Variants in COL28A1 observed in about 807,000 individuals in gnomAD.
COL28A1 encodes collagen alpha-1(XXVIII) chain.
In COL28A1, 161 loss-of-function variants were observed where a neutral mutation model predicts 150.2. The observed-to-expected ratio is 1.07, with a 90% CI of 0.94 to 1.22. The LOEUF (loss-of-function observed/expected upper bound fraction) is 1.22, where lower values mean the gene tolerates loss of function less well. Ranked by LOEUF, COL28A1 falls within the 50% of genes most tolerant of loss-of-function variation. COL28A1 has a pLI of 0.00. For synonymous variants in COL28A1, 552 were observed against 469.7 expected (o/e 1.18, Z -2.26); for missense variants, 1,617 against 1,388.3 (o/e 1.16, Z -2.62).
At chr7:7,378,387 C>A (rs906549350) in intron 30 of COL28A1, among the ~76,000 whole-genome samples, 1 of 152,164 alleles carries the variant, frequency 6.6e-6, no homozygotes, top group African/African-American at 2.4e-5. Context: ...TGGCTACATT[C>A]CCTGAGAGTT....
chr7:7,348,402 C>T, the COL28A1 span, among the ~76,000 whole-genome samples: 1 of 152,106 alleles, frequency 6.6e-6, no homozygotes, highest in East Asian at 1.9e-4. Flanking sequence ...TAGGTAGGGG[C>T]AGTGTCAATT....
chr7:7,477,182 TG>T lies in COL28A1; in HGVS notation c.1165-3del. On this transcript the variant is annotated splice_region_variant and splice_polypyrimidine_tract_variant and intron_variant, in intron 13 of 34. Coordinates refer to ENST00000399429, the MANE Select transcript of COL28A1 (RefSeq NM_001037763.3). ...TACTCCCTCAGGACCACGGGGACCC[TG>T]GTTAGGATAGGAGAAAATGAGGAGC... The T allele has an allele frequency of 8.5e-7, 1 of 1,172,772 alleles. No homozygotes were observed. The highest frequency in any genetic ancestry group is 1.3e-6 in the Non-Finnish European group (1 of 776,554). The allele number at this position is 1,172,772 out of a possible 1,614,324, so 72.6% of individuals were successfully genotyped here.
At chr7:7,438,937 A>G (rs73334153) in intron 21 of COL28A1, among the ~76,000 whole-genome samples, 2,348 of 152,306 alleles carry the variant, frequency 0.015, 70 homozygotes, top group African/African-American at 0.054. Context: ...AGGACCTAAA[A>G]TATTTACTAT....
chr7:7,387,594 A>T (rs1583268350), intron 27 of COL28A1, among the ~76,000 whole-genome samples: 1 of 138,986 alleles, frequency 7.2e-6, no homozygotes, highest in Non-Finnish European at 1.5e-5. Context: ...TGACACAGAC[A>T]TATATATATA....
rs752702906 is a variant in COL28A1, at chr7:7,531,383, C to T, written c.646G>A (p.Asp216Asn). The T allele has an allele frequency of 1.3e-6, 2 of 1,579,950 alleles. No individual in the cohort carries two copies. The highest frequency in any genetic ancestry group is 1.7e-5 in the Admixed American group (1 of 57,754). ...SSSEPTLLLS[D>N]PTLVDKIQDR... is the part of the protein sequence containing the mutation. ...TGAATTTTATCTACAAGGGTTGGAT[C>T]ACTCAACAGTAAAGTGGGTTCACTG... Residue 216 changes from aspartate to asparagine, a missense_variant, in exon 3 of 35, where the codon GAT becomes AAT. Asp to Asn is a conservative substitution (Grantham distance 23). Coordinates refer to ENST00000399429, the MANE Select transcript of COL28A1 (RefSeq NM_001037763.3).
At chr7:7,401,379 C>G (rs117849896) in intron 27 of COL28A1, among the ~76,000 whole-genome samples, 1 of 152,112 alleles carries the variant, frequency 6.6e-6, no homozygotes, top group South Asian at 2.1e-4. Flanking sequence ...CTTGTCCTGA[C>G]CTCTCCCCTG....
At chr7:7,526,784 G>A (rs184212304) in intron 3 of COL28A1, among the ~76,000 whole-genome samples, 8 of 152,080 alleles carry the variant, frequency 5.3e-5, no homozygotes, top group African/African-American at 1.2e-4. Context: ...TACAGAGCAC[G>A]CCAACAAGCC....
intron 25 of COL28A1, among the ~76,000 whole-genome samples, chr7:7,422,595 C>T (rs149545507): frequency 0.025 from 3,748 of 151,616 alleles, 137 homozygotes; most frequent in African/African-American, 0.078. Context: ...CGCCATTGCA[C>T]GCCAGCCTGG....
intron 21 of COL28A1, 45 bp downstream of exon 21, chr7:7,440,745 C>A: frequency 3.8e-6 from 3 of 783,702 alleles, no homozygotes; most frequent in Non-Finnish European, 6.5e-6. Flanking sequence ...AAACCAGACA[C>A]AATACAAACT....
chr7:7,504,668 C>A (rs550829253), intron 11 of COL28A1, among the ~76,000 whole-genome samples: 1 of 152,306 alleles, frequency 6.6e-6, no homozygotes, highest in South Asian at 2.1e-4. Flanking sequence ...GATGATGGGA[C>A]CTCACTGGGA....
chr7:7,418,196 C>G lies in COL28A1; in HGVS notation c.2068-269G>C, dbSNP rs140269137. ...CCTAAGCAGAAATGGAGGCCCAGGG[C>G]CTCATCTGCTTGGGCCCCCTTCACT... is the stretch of plus-strand genomic sequence containing the variant. On this transcript the variant is annotated intron_variant, in intron 26 of 34. Coordinates refer to ENST00000399429, the MANE Select transcript of COL28A1 (RefSeq NM_001037763.3). Among the ~76,000 whole-genome samples, 536 of 152,330 alleles carry G rather than the reference C, an allele frequency of 3.5e-3. 2 individuals are homozygous for G. The highest frequency in any genetic ancestry group is 0.014 in the South Asian group (66 of 4,830).
rs1781335536 is a variant in COL28A1, at chr7:7,373,309, T to C, written c.2597A>G (p.Asp866Gly). ...SSKDDFKLAV[D>G]NMQYLGEGTY... ...GCCTTCCCCCAGATACTGCATGTTG[T>C]CCACAGCCAACTTGAAGTCATCCTT... is the stretch of plus-strand genomic sequence containing the variant. The change falls in exon 32 of 35, where the codon GAC becomes GGC. Residue 866 changes from aspartate (D) to glycine (G), a missense_variant. Asp to Gly is a moderately conservative substitution (Grantham distance 94, BLOSUM62 -1). Coordinates refer to ENST00000399429, the MANE Select transcript of COL28A1 (RefSeq NM_001037763.3). This position sits in a 1 kb window ranked among gnomAD's most constrained non-coding sequence, Gnocchi z 4.1. 6.2e-7 allele frequency: 1 copy of C among 1,614,182 alleles called. No homozygotes were observed. Among genetic ancestry groups the C allele is most frequent in the Admixed American group, 1.7e-5 (1 of 60,024 alleles).
At chr7:7,476,907 A>T (rs1788935565) in intron 14 of COL28A1, among the ~76,000 whole-genome samples, 1 of 152,256 alleles carries the variant, frequency 6.6e-6, no homozygotes. Flanking sequence ...CATGAAGTAG[A>T]AGTCTTTCAA....
At chr7:7,420,452 T>C (rs886990886) in intron 25 of COL28A1, 5 of 152,404 alleles carry the variant, frequency 3.3e-5, no homozygotes, top group Non-Finnish European at 5.9e-5. Context: ...TACCAGAAAA[T>C]TGGTGGTACC....
chr7:7,471,275 C>T (rs1323896238), intron 15 of COL28A1, among the ~76,000 whole-genome samples: 1 of 151,910 alleles, frequency 6.6e-6, no homozygotes, highest in African/African-American at 2.4e-5. Context: ...GACGGATTCA[C>T]AACAAAATTC....
rs17521904 is a variant in COL28A1 at position 7,524,310 on chromosome 7, T to C, written c.682-61A>G. On this transcript the variant is annotated intron_variant, in intron 3 of 34. Coordinates refer to ENST00000399429, the MANE Select transcript of COL28A1 (RefSeq NM_001037763.3). ...TGATAGTTCTGCCTCCAGCTACTTA[T>C]TAGTCATAACTATTCCCTATGGGAT... 9.3e-3 allele frequency: 8,574 copies of C among 924,240 alleles called. 93 individuals carry two copies. Among genetic ancestry groups the C allele is most frequent in the Admixed American group, 0.032 (1,895 of 58,698 alleles). 57.3% of individuals were successfully genotyped at this position (924,240 alleles called of 1,614,324 possible).
chr7:7,523,047 A>T (rs73348084), intron 4 of COL28A1, among the ~76,000 whole-genome samples: 5,275 of 152,148 alleles, frequency 0.035, 326 homozygotes, highest in African/African-American at 0.12. Flanking sequence ...AGGATTTTAA[A>T]ATCTACATCC....
At chr7:7,489,237 T>G in intron 13 of COL28A1, 152 bp downstream of exon 13, 1 of 600,190 alleles carries the variant, frequency 1.7e-6, no homozygotes, top group South Asian at 2.3e-5. Context: ...GCCACTGCAT[T>G]CCAGCCTGGG....
intron 18 of COL28A1, among the ~76,000 whole-genome samples, 163 bp from the exon 19 acceptor site, chr7:7,444,652 G>C (rs1786112401): frequency 6.6e-6 from 1 of 151,618 alleles, no homozygotes. Flanking sequence ...ACATCCCTAG[G>C]CCTTAGTTTT....
Sources: gnomAD v4.1 joint callset for allele counts (sites outside exome capture counted in the v4.1 genomes callset) on GRCh38, gnomAD v4.1.1 for gene constraint, Gnocchi (gnomAD v3.1) non-coding constraint, MANE v1.5 for transcripts, NCBI Gene and HGNC (gene_info 2026-07-23, HGNC 2026-07-21) for gene names.